Variants in LRCH3 observed in about 807,000 individuals in gnomAD.
LRCH3 encodes leucine rich repeats and calponin homology domain containing 3, also known as DISP complex protein LRCH3.
A neutral mutation model predicts 104.5 loss-of-function variants in LRCH3; 68 were observed. The ratio of observed to expected loss-of-function variants is 0.65; its 90% CI spans 0.54 to 0.80. LRCH3 has a LOEUF of 0.80. Among genes scored for constraint, LRCH3 ranks in the 30% least tolerant of loss-of-function variants. The probability of loss-of-function intolerance (pLI) is 0.00; values close to 1 mark genes in which losing one functional copy is unlikely to be tolerated. For synonymous variants in LRCH3, 344 were observed against 361.3 expected (o/e 0.95, Z 0.54); for missense variants, 951 against 953.9 (o/e 1.00, Z 0.04).
Position 197,866,151 on chromosome 3 carries a change from A to G in LRCH3, c.1805A>G (p.Gln602Arg), listed in dbSNP as rs1741458182. 2 of 1,613,996 alleles carry G rather than the reference A, an allele frequency of 1.2e-6. No homozygotes were observed. The highest frequency in any genetic ancestry group is 1.7e-6 in the Non-Finnish European group (2 of 1,179,954). The change falls in exon 17 of 21, where the codon CAG becomes CGG. Residue 602 changes from glutamine (Q) to arginine (R), a missense_variant. Transcript: ENST00000425562. ...SPAYSFPAAI[Q>R]RNQPQRPESF... ...GCATATTCTTTTCCTGCTGCTATCC[A>G]GAGAAATCAGCCTCAGCGCCCTGAA...
intron 20 of LRCH3, chr3:197,880,752 T>G (rs534356703): frequency 3.1e-4 from 472 of 1,535,918 alleles, no homozygotes; most frequent in Non-Finnish European, 3.9e-4. Flanking sequence ...CTCATTCCTG[T>G]GCTTGGTAAA....
chr3:197,850,830 C>G (rs1441845738), intron 12 of LRCH3: 1 of 1,081,774 alleles, frequency 9.2e-7, no homozygotes, highest in African/African-American at 1.5e-5. Flanking sequence ...CGTGGCTTTT[C>G]GTATATGCAT....
intron 1 of LRCH3, among the ~76,000 whole-genome samples, chr3:197,809,044 T>C (rs1169978818): frequency 6.6e-6 from 1 of 152,172 alleles, no homozygotes; most frequent in Admixed American, 6.5e-5. Context: ...ATGCCTGTTA[T>C]CCCAGCAGTT....
At chr3:197,879,069 T>C (rs940765334) in intron 20 of LRCH3, among the ~76,000 whole-genome samples, 3 of 152,168 alleles carry the variant, frequency 2.0e-5, no homozygotes, top group South Asian at 4.1e-4. Flanking sequence ...TCTGATGACA[T>C]TGGGCATGTG....
At chr3:197,879,750 A>C (rs1580919028) in intron 20 of LRCH3, among the ~76,000 whole-genome samples, 1 of 152,120 alleles carries the variant, frequency 6.6e-6, no homozygotes, top group Non-Finnish European at 1.5e-5. Context: ...TCAGTCTTTG[A>C]ACCTTTTTGA....
intron 19 of LRCH3, 30 bp from the exon 20 acceptor site, chr3:197,875,668 T>C: frequency 1.3e-6 from 2 of 1,506,956 alleles, no homozygotes; most frequent in African/African-American, 1.4e-5. Context: ...AAAACTTCTC[T>C]AGTAACACAT....
intron 1 of LRCH3, among the ~76,000 whole-genome samples, chr3:197,814,617 C>T (rs1301816136): frequency 6.6e-6 from 1 of 152,144 alleles, no homozygotes; most frequent in Non-Finnish European, 1.5e-5. Flanking sequence ...TGTGACCTGA[C>T]CTTGATCATC....
Position 197,886,257 on chromosome 3 carries a change from A to G in LRCH3, c.*2591A>G, listed in dbSNP as rs1016700762. 1 of 151,480 alleles carries G rather than the reference A, an allele frequency of 6.6e-6. No homozygotes were observed. The highest frequency in any genetic ancestry group is 1.5e-5 in the Non-Finnish European group (1 of 68,024). 9.4% of individuals were successfully genotyped at this position (151,480 alleles called of 1,614,324 possible). On this transcript the variant is annotated 3_prime_UTR_variant, in exon 21 of 21. Transcript: ENST00000425562. The stretch of plus-strand genomic sequence containing the variant: ...CTACTCAGGAGGCTGGGGTGGGAGG[A>G]TCACTTGAGCCTGGGAGGTTGAGGC...
chr3:197,811,670 A>C (rs1733139722), intron 1 of LRCH3, among the ~76,000 whole-genome samples: 2 of 152,210 alleles, frequency 1.3e-5, no homozygotes, highest in Non-Finnish European at 1.5e-5. Flanking sequence ...TTCCTGGCTT[A>C]GTTACTGAGA....
At chr3:197,815,078 A>C in intron 2 of LRCH3, 26 bp downstream of exon 2, 1 of 1,376,574 alleles carries the variant, frequency 7.3e-7, no homozygotes, top group Non-Finnish European at 9.8e-7. Context: ...TCTTATTTTA[A>C]ATTTTTGGTT....
chr3:197,841,690 C>T (rs1737820258), intron 10 of LRCH3, among the ~76,000 whole-genome samples: 1 of 152,064 alleles, frequency 6.6e-6, no homozygotes, highest in African/African-American at 2.4e-5. Flanking sequence ...TTTCATGGCA[C>T]CTTAGCAATA....
chr3:197,884,115 G>T lies in LRCH3; in HGVS notation c.*449G>T, dbSNP rs1426487530. 6.4e-6 allele frequency: 1 copy of T among 155,108 alleles called. No individual in the cohort carries two copies. Among genetic ancestry groups the T allele is most frequent in the African/African-American group, 2.4e-5 (1 of 41,490 alleles). The allele number at this position is 155,108 out of a possible 1,614,324, so 9.6% of individuals were successfully genotyped here. A position where few individuals can be genotyped will look rare whatever the true frequency, so the allele number is the denominator to read the frequency against. ...ACAGATTCACATTCAGTAGAGCTGG[G>T]GTAAGGCCTAGGAATCTGCATTTTC... On this transcript the variant is annotated 3_prime_UTR_variant, in exon 21 of 21. Transcript: ENST00000425562.
intron 4 of LRCH3, among the ~76,000 whole-genome samples, chr3:197,824,779 C>T (rs621633): frequency 0.36 from 53,774 of 147,912 alleles, 10,725 homozygotes; most frequent in Admixed American, 0.47. Context: ...ACCATCTTGG[C>T]CAGGCTGGTC....
intron 20 of LRCH3, chr3:197,881,789 G>A: frequency 1.0e-6 from 1 of 985,426 alleles, no homozygotes; most frequent in Non-Finnish European, 1.2e-6. Context: ...AAGAGAGATT[G>A]TGAGGAGCAT....
chr3:197,883,607 C>T lies in LRCH3; in HGVS notation c.2275C>T (p.Gln759Ter). Residue 759 changes from glutamine to a stop codon, truncating the protein, a stop_gained, in exon 21 of 21, where the codon CAG becomes TAG. Transcript: ENST00000425562. LOFTEE classifies it high-confidence loss of function. The surrounding 1 kb of genome is among the most constrained non-coding windows in gnomAD (Gnocchi z 4.2). ...TTTGAGCCAGGTTGCAGTGACGGTC[C>T]AGGCTCTCCTGGAACTTGCCCCACC... The part of the protein sequence containing the change: ...KGLSQVAVTV[Q>*]ALLELAPPKQ... 6.5e-7 allele frequency: 1 copy of T among 1,536,064 alleles called. No individual in the cohort carries two copies. Among genetic ancestry groups the T allele is most frequent in the Non-Finnish European group, 8.7e-7 (1 of 1,146,890 alleles).
At position 197,817,181 on chromosome 3, in the gene LRCH3, A is replaced by G; in HGVS notation, c.413A>G (p.Asn138Ser). Residue 138 changes from asparagine to serine, a missense_variant, in exon 3 of 21, where the codon AAC (asparagine) becomes AGC (serine). By Grantham distance (46) the Asn-to-Ser change is conservative. Coordinates refer to ENST00000425562, the MANE Select transcript of LRCH3 (RefSeq NM_001365715.1). ...QALTFLNISR[N>S]QLSTLPVHLC... The stretch of plus-strand genomic sequence containing the variant: ...CTTTCTACTTACCCATTTAGTCGGA[A>G]CCAACTGTCAACATTGCCGGTACAC... The G allele has an allele frequency of 1.3e-6, 2 of 1,594,272 alleles. No individual in the cohort carries two copies. The highest frequency in any genetic ancestry group is 1.7e-6 in the Non-Finnish European group (2 of 1,171,092).
chr3:197,853,853 A>G (rs1739936252), intron 13 of LRCH3, among the ~76,000 whole-genome samples: 1 of 152,224 alleles, frequency 6.6e-6, no homozygotes, highest in South Asian at 2.1e-4. Context: ...TTCGACAACC[A>G]AAGTTTGATA....
intron 1 of LRCH3, among the ~76,000 whole-genome samples, chr3:197,792,606 A>ATAT (rs1233845852): frequency 3.7e-4 from 14 of 37,940 alleles, no homozygotes; most frequent in Non-Finnish European, 7.9e-4. Context: ...TATATATATA[A>ATAT]AATATACATA....
At position 197,815,027 on chromosome 3, in the gene LRCH3, C is replaced by G; in HGVS notation, c.382C>G (p.Gln128Glu). 1 of 1,525,384 alleles carries G rather than the reference C, an allele frequency of 6.6e-7. No individual in the cohort carries two copies. The highest frequency in any genetic ancestry group is 1.8e-4 in the Middle Eastern group (1 of 5,676). The allele number at this position is 1,525,384 out of a possible 1,614,324, so 94.5% of individuals were successfully genotyped here. A position where few individuals can be genotyped will look rare whatever the true frequency, so the allele number is the denominator to read the frequency against. ...TATTCCAGAGGCAATTTTAAACCTA[C>G]AAGCTCTAACATTCTTAAATATTAG... Reference protein sequence around the residue: ...RYIPEAILNLQALTFLNISRN... With the variant: ...RYIPEAILNLEALTFLNISRN... The change falls in exon 2 of 21, where the codon CAA becomes GAA. Residue 128 changes from glutamine to glutamate, a missense_variant. Coordinates refer to ENST00000425562, the MANE Select transcript of LRCH3 (RefSeq NM_001365715.1).
Sources: allele counts gnomAD v4.1 joint callset (sites outside exome capture counted in the v4.1 genomes callset), GRCh38; gene constraint gnomAD v4.1.1; non-coding constraint Gnocchi (gnomAD v3.1); transcripts MANE v1.5; gene names NCBI Gene and HGNC (gene_info 2026-07-23, HGNC 2026-07-21).